SMPD3: variants seen among roughly 807,000 people sequenced by gnomAD.
The protein encoded by SMPD3 is sphingomyelin phosphodiesterase 3.
SMPD3 carries 21 observed loss-of-function variants against 55.7 expected under a neutral mutation model. The observed-to-expected ratio is 0.38, with a 90% CI of 0.27 to 0.54. The LOEUF is 0.54. SMPD3 is among the 20% of genes least tolerant of loss of function. The pLI, the probability that SMPD3 is intolerant of heterozygous loss-of-function variation, is 0.80. For missense variants in SMPD3, 842 were observed against 899.6 expected (o/e 0.94, Z 0.82); for synonymous variants, 457 against 404.3 (o/e 1.13, Z -1.56).
chr16:68,438,740 T>C (rs1183210231), intron 1 of SMPD3, among the ~76,000 whole-genome samples: 1 of 152,164 alleles, frequency 6.6e-6, no homozygotes, highest in Non-Finnish European at 1.5e-5. Flanking sequence ...ATTGTACCCA[T>C]GCTTGAAGAC....
At position 68,447,571 on chromosome 16, in the gene SMPD3, AC is replaced by A. The variant is rs978924413; in HGVS notation, c.-269+781del. ...CTACACTACCTCTCACACCCAGGCC[AC>A]CCAACCCTCGGCGCGGGCCCGAGCG... is the stretch of plus-strand genomic sequence containing the variant. On this transcript the variant is annotated intron_variant, in intron 1 of 8. Transcript: ENST00000219334. This position sits in a 1 kb window ranked among gnomAD's most constrained non-coding sequence, Gnocchi z 5.1. Among the ~76,000 whole-genome samples, 1 of 150,022 alleles carries A rather than the reference AC, an allele frequency of 6.7e-6. No homozygotes were observed. Among genetic ancestry groups the A allele is most frequent in the Non-Finnish European group, 1.5e-5 (1 of 67,362 alleles).
rs1380586524 is a variant in SMPD3, at chr16:68,417,698, C to G, written c.-269+30655G>C. ...ACCTACACGCTACTAGACAAAGATG[C>G]TGGTACCTTCAGAGTTCCCTTAACG... On this transcript the variant is annotated intron_variant, in intron 1 of 8. Coordinates refer to ENST00000219334, the MANE Select transcript of SMPD3 (RefSeq NM_018667.4). 3.3e-5 allele frequency among the ~76,000 whole-genome samples: 5 copies of G among 152,310 alleles called. 1 individual carries two copies. Among genetic ancestry groups the G allele is most frequent in the Non-Finnish European group, 4.4e-5 (3 of 68,028 alleles).
At position 68,359,470 on chromosome 16, in the gene SMPD3, C is replaced by G. The variant is rs948057290; in HGVS notation, c.*1736G>C. On this transcript the variant is annotated 3_prime_UTR_variant, in exon 9 of 9. Coordinates refer to ENST00000219334, the MANE Select transcript of SMPD3 (RefSeq NM_018667.4). ...GACAGGCCAGTGTCACAAGGACGCACGTCCTAGCGCCAGGCTCCCTGGGCT... is the reference window on the plus strand; with the variant it reads ...GACAGGCCAGTGTCACAAGGACGCAGGTCCTAGCGCCAGGCTCCCTGGGCT... 1 of 152,672 alleles carries G rather than the reference C, an allele frequency of 6.5e-6. No individual in the cohort carries two copies. Among genetic ancestry groups the G allele is most frequent in the Middle Eastern group, 3.2e-3 (1 of 316 alleles). The allele number at this position is 152,672 out of a possible 1,614,324, so 9.5% of individuals were successfully genotyped here.
intron 1 of SMPD3, among the ~76,000 whole-genome samples, chr16:68,396,562 C>T (rs2090159153): frequency 6.6e-6 from 1 of 152,210 alleles, no homozygotes; most frequent in African/African-American, 2.4e-5. Flanking sequence ...CCCTCAGTCT[C>T]ACACCCTGGG....
At chr16:68,393,824 C>T (rs1324428727) in intron 1 of SMPD3, among the ~76,000 whole-genome samples, 4 of 152,060 alleles carry the variant, frequency 2.6e-5, no homozygotes, top group Non-Finnish European at 5.9e-5. Context: ...AACTTTCCCC[C>T]AATTTTTAGA....
chr16:68,410,720 T>C (rs2090292575), intron 1 of SMPD3, among the ~76,000 whole-genome samples: 1 of 152,110 alleles, frequency 6.6e-6, no homozygotes, highest in Non-Finnish European at 1.5e-5. Flanking sequence ...AGTTTTTTGG[T>C]TTGTTTGTTT....
chr16:68,383,034 C>T (rs1204401247), intron 2 of SMPD3, among the ~76,000 whole-genome samples: 5 of 152,038 alleles, frequency 3.3e-5, no homozygotes, highest in Admixed American at 2.6e-4. Flanking sequence ...AGATCGGGTT[C>T]CACCATGTTG....
At chr16:68,366,606 C>T (rs577888561) in intron 3 of SMPD3, among the ~76,000 whole-genome samples, 46 of 152,388 alleles carry the variant, frequency 3.0e-4, no homozygotes, top group Non-Finnish European at 6.0e-4. Flanking sequence ...TGGCTCACGC[C>T]TGTAATCCCA....
intron 1 of SMPD3, among the ~76,000 whole-genome samples, chr16:68,412,775 G>T (rs2090311924): frequency 6.6e-6 from 1 of 152,222 alleles, no homozygotes; most frequent in African/African-American, 2.4e-5. Context: ...GGCTCCCCAA[G>T]TTATCAAGAC....
rs1233885693 is a variant in SMPD3, at chr16:68,359,763, GAACTTTGA to G, written c.*1435_*1442del. The G allele has an allele frequency of 2.0e-5, 3 of 152,564 alleles. No homozygotes were observed. The highest frequency in any genetic ancestry group is 7.2e-5 in the African/African-American group (3 of 41,474). The allele number at this position is 152,564 out of a possible 1,614,324, so 9.5% of individuals were successfully genotyped here. A position where few individuals can be genotyped will look rare whatever the true frequency, so the allele number is the denominator to read the frequency against. The stretch of plus-strand genomic sequence containing the variant: ...AAAACAGTCCCTCAAGTTGAGTCTC[GAACTTTGA>G]AACAGACAAAACCTTCGCTGCATGA... On this transcript the variant is annotated 3_prime_UTR_variant, in exon 9 of 9. Transcript: ENST00000219334.
intron 2 of SMPD3, among the ~76,000 whole-genome samples, chr16:68,385,507 T>TCCTC (rs2152000405): frequency 6.6e-6 from 1 of 152,212 alleles, no homozygotes; most frequent in South Asian, 2.1e-4. Context: ...ACGATCTTCT[T>TCCTC]CCTCCCTCCC....
At chr16:68,431,607 G>A (rs1464854654) in intron 1 of SMPD3, among the ~76,000 whole-genome samples, 1 of 152,194 alleles carries the variant, frequency 6.6e-6, no homozygotes, top group Admixed American at 6.5e-5. Context: ...CTGCAAGACT[G>A]TACTAGACAC....
intron 2 of SMPD3, among the ~76,000 whole-genome samples, chr16:68,380,403 T>C (rs2089921927): frequency 6.6e-6 from 1 of 152,226 alleles, no homozygotes; most frequent in African/African-American, 2.4e-5. Flanking sequence ...ACTGGAGCAA[T>C]CACAGGCCAC....
intron 1 of SMPD3, among the ~76,000 whole-genome samples, chr16:68,428,226 T>C (rs1359341739): frequency 6.6e-6 from 1 of 152,092 alleles, no homozygotes; most frequent in Non-Finnish European, 1.5e-5. Flanking sequence ...CCTGTGAGCA[T>C]CTCCCAAGAA....
At chr16:68,387,409 T>C (rs950813039) in intron 1 of SMPD3, among the ~76,000 whole-genome samples, 2 of 152,072 alleles carry the variant, frequency 1.3e-5, no homozygotes, top group African/African-American at 4.8e-5. Flanking sequence ...CCTGGCACTA[T>C]GCTCTGGGGA....
In SMPD3 at chr16:68,429,908, A is replaced by G. The variant is rs530004573; in HGVS notation, c.-269+18445T>C. Among the ~76,000 whole-genome samples, 65 of 152,074 alleles carry G rather than the reference A, an allele frequency of 4.3e-4. No homozygotes were observed. The South Asian group carries it at 0.013, about 30-fold the overall frequency. ...CTCCCTGAGACCAGTTCTGCTATTTACCTCCTGCCCTTTGAAGTCCAGACT... is the reference window on the plus strand; with the variant it reads ...CTCCCTGAGACCAGTTCTGCTATTTGCCTCCTGCCCTTTGAAGTCCAGACT... On this transcript the variant is annotated intron_variant, in intron 1 of 8. Coordinates refer to ENST00000219334, the MANE Select transcript of SMPD3 (RefSeq NM_018667.4).
intron 1 of SMPD3, among the ~76,000 whole-genome samples, chr16:68,426,139 C>T (rs776436800): frequency 4.6e-5 from 7 of 152,312 alleles, no homozygotes; most frequent in Admixed American, 2.0e-4. Context: ...TCCTGTTCCA[C>T]TTTTGCAAGA....
At chr16:68,445,484 CT>C (rs1287257876) in intron 1 of SMPD3, among the ~76,000 whole-genome samples, 2 of 152,222 alleles carry the variant, frequency 1.3e-5, no homozygotes, top group African/African-American at 4.8e-5. Context: ...CTTGAAAGAA[CT>C]TCAGACAAGA....
intron 1 of SMPD3, among the ~76,000 whole-genome samples, chr16:68,427,164 C>T (rs2090442707): frequency 6.6e-6 from 1 of 151,858 alleles, no homozygotes; most frequent in South Asian, 2.1e-4. Flanking sequence ...GCCTGGCTAA[C>T]TTTTGTATTT....
Sources: allele counts gnomAD v4.1 joint callset (sites outside exome capture counted in the v4.1 genomes callset), GRCh38; gene constraint gnomAD v4.1.1; non-coding constraint Gnocchi (gnomAD v3.1); transcripts MANE v1.5; gene names NCBI Gene and HGNC (gene_info 2026-07-23, HGNC 2026-07-21).